The following LIN28A variants were observed in gnomAD, a reference collection of about 807,000 sequenced individuals.
LIN28A encodes lin-28 RNA binding posttranscriptional regulator A, also known as protein lin-28 homolog A.
Under a neutral mutation model 21.1 loss-of-function variants are expected in LIN28A, and 11 were observed. The observed-to-expected ratio is 0.52, with a 90% confidence interval of 0.33 to 0.86. The LOEUF (loss-of-function observed/expected upper bound fraction) is 0.86. LIN28A is among the 40% of genes least tolerant of loss of function. LIN28A has a pLI of 0.03. For synonymous variants in LIN28A, 111 were observed against 108.7 expected (o/e 1.02, Z -0.13); for missense variants, 219 against 279.8 (o/e 0.78, Z 1.55).
rs754323496 is a variant in LIN28A at position 26,426,407 on chromosome 1, G to A, written c.579G>A (p.Glu193=). 3 of 1,614,164 alleles carry A rather than the reference G, an allele frequency of 1.9e-6. No homozygotes were observed. The highest frequency in any genetic ancestry group is 1.7e-6 in the Non-Finnish European group (2 of 1,180,016). The change falls in exon 4 of 4, where the codon GAG becomes GAA. Residue 193 remains glutamate (E), a synonymous_variant. Transcript: ENST00000326279. ...AGGGAAAGCCAACCTACTTTCGAGAGGAAGAAGAAGAAATCCACAGCCCTA... is the reference window on the plus strand; with the variant it reads ...AGGGAAAGCCAACCTACTTTCGAGAAGAAGAAGAAGAAATCCACAGCCCTA... ...SAQGKPTYFR[E]EEEEIHSPTL...
In LIN28A at chr1:26,425,468, C is replaced by G. The variant is rs143830906; in HGVS notation, c.394C>G (p.Arg132Gly). 1.9e-6 allele frequency: 3 copies of G among 1,613,920 alleles called. No individual in the cohort carries two copies. The East Asian group carries it at 6.7e-5, about 36-fold the overall frequency. The change falls in exon 3 of 4, where the codon CGC becomes GGC. Residue 132 changes from arginine to glycine, a missense_variant. Arg to Gly is a moderately radical substitution (Grantham distance 125). This residue lies in a region of LIN28A where 124 missense variants were observed against 193.1 expected (regional missense o/e 0.64). Transcript: ENST00000326279. ...GCCAAAAGGAAAGAGCATGCAGAAG[C>G]GCAGATCAAAAGGAGACAGGTATGG... ...RRPKGKSMQKRRSKGDRCYNC... is the reference protein window; with the variant it reads ...RRPKGKSMQKGRSKGDRCYNC...
chr1:26,426,225 A>T lies in LIN28A; in HGVS notation c.414-17A>T. 1 of 1,608,100 alleles carries T rather than the reference A, an allele frequency of 6.2e-7. No homozygotes were observed. Among genetic ancestry groups the T allele is most frequent in the Non-Finnish European group, 8.5e-7 (1 of 1,174,648 alleles). On this transcript the variant is annotated splice_polypyrimidine_tract_variant and intron_variant, in intron 3 of 3. Coordinates refer to ENST00000326279, the MANE Select transcript of LIN28A (RefSeq NM_024674.6). The stretch of plus-strand genomic sequence containing the variant: ...CTTGCTCCTTTCTCTTACTTTTACG[A>T]TCTTGCTTTGTACTAGGTGCTACAA...
At chr1:26,416,863 G>A (rs1361004774) in intron 2 of LIN28A, among the ~76,000 whole-genome samples, 3 of 151,914 alleles carry the variant, frequency 2.0e-5, no homozygotes, top group East Asian at 1.9e-4. Flanking sequence ...GTGGTGATCC[G>A]CCTGCCTCGG....
At position 26,418,383 on chromosome 1, in the gene LIN28A, A is replaced by G. The variant is rs190422891; in HGVS notation, c.228+6801A>G. On this transcript the variant is annotated intron_variant, in intron 2 of 3. Transcript: ENST00000326279. ...AACGCGGTGAAACCCCGTCTCTACT[A>G]AAAATACAAAAAATTAGCCAGGAAT... 6.6e-5 allele frequency among the ~76,000 whole-genome samples: 10 copies of G among 152,172 alleles called. No individual in the cohort carries two copies. In the East Asian group the frequency reaches 1.9e-3, roughly 29 times the overall value.
chr1:26,423,413 CTTTTTTT>C (rs1202952934), intron 2 of LIN28A, among the ~76,000 whole-genome samples: 2,001 of 78,910 alleles, frequency 0.025, 39 homozygotes, highest in African/African-American at 0.091. Context: ...TTTTCTTTTT[CTTTTTTT>C]TTTTTTTTTT....
At chr1:26,417,076 G>A (rs1335601923) in intron 2 of LIN28A, among the ~76,000 whole-genome samples, 2 of 152,298 alleles carry the variant, frequency 1.3e-5, no homozygotes, top group African/African-American at 4.8e-5. Context: ...AGGACAAGAT[G>A]ACTGCCCTAA....
At chr1:26,414,407 A>G (rs536287544) in intron 2 of LIN28A, among the ~76,000 whole-genome samples, 7 of 152,022 alleles carry the variant, frequency 4.6e-5, no homozygotes, top group Admixed American at 3.9e-4. Flanking sequence ...ATTTAAAAAC[A>G]TTTTCTTTTC....
At position 26,411,307 on chromosome 1, in the gene LIN28A, G is replaced by A; in HGVS notation, c.32-79G>A. The A allele has an allele frequency of 7.4e-7, 1 of 1,351,930 alleles. No homozygotes were observed. Among genetic ancestry groups the A allele is most frequent in the Non-Finnish European group, 9.8e-7 (1 of 1,019,832 alleles). The allele number at this position is 1,351,930 out of a possible 1,614,324, so 83.7% of individuals were successfully genotyped here. A position where few individuals can be genotyped will look rare whatever the true frequency, so the allele number is the denominator to read the frequency against. ...TGTCCACTTGTGGGGCTGGATACTC[G>A]GGTCTCCCTGCCTGGGGCCCGAGAC... On this transcript the variant is annotated intron_variant, in intron 1 of 3. Coordinates refer to ENST00000326279, the MANE Select transcript of LIN28A (RefSeq NM_024674.6). This position sits in a 1 kb window ranked among gnomAD's most constrained non-coding sequence, Gnocchi z 5.4.
At chr1:26,420,902 G>A (rs542243622) in intron 2 of LIN28A, among the ~76,000 whole-genome samples, 5 of 152,108 alleles carry the variant, frequency 3.3e-5, no homozygotes, top group African/African-American at 1.2e-4. Context: ...TGTCACCTCC[G>A]CTAATGTCAA....
At position 26,411,008 on chromosome 1, in the gene LIN28A, A is replaced by G. The variant is rs1432972379; in HGVS notation, c.31+86A>G. 2 of 1,518,372 alleles carry G rather than the reference A, an allele frequency of 1.3e-6. No homozygotes were observed. The highest frequency in any genetic ancestry group is 2.3e-5 in the East Asian group (1 of 42,912). 94.1% of individuals were successfully genotyped at this position (1,518,372 alleles called of 1,614,324 possible). On this transcript the variant is annotated intron_variant, in intron 1 of 3. Transcript: ENST00000326279. The surrounding 1 kb of genome is among the most constrained non-coding windows in gnomAD (Gnocchi z 5.4). ...GAAGGGAGGTGGGGAACTGAGTCCT[A>G]GGCTGCCCAAAGGACCCCAAGACGG...
chr1:26,422,905 C>T (rs904790765), intron 2 of LIN28A, among the ~76,000 whole-genome samples: 1 of 151,844 alleles, frequency 6.6e-6, no homozygotes, highest in Non-Finnish European at 1.5e-5. Context: ...AGGCTTTTTA[C>T]CTTGTTAAAT....
At position 26,425,245 on chromosome 1, in the gene LIN28A, G is replaced by A. The variant is rs1045747139; in HGVS notation, c.229-58G>A. On this transcript the variant is annotated intron_variant, in intron 2 of 3. Coordinates refer to ENST00000326279, the MANE Select transcript of LIN28A (RefSeq NM_024674.6). The stretch of plus-strand genomic sequence containing the variant: ...TACCCTACAGGAATAAGAGTTCCTT[G>A]TCTTTTGGTATAATAATGGAAATTA... The A allele has an allele frequency of 3.2e-6, 5 of 1,540,112 alleles. No individual in the cohort carries two copies. The Admixed American group carries it at 5.4e-5, about 17-fold the overall frequency.
At position 26,428,020 on chromosome 1, in the gene LIN28A, G is replaced by A. The variant is rs1332887997; in HGVS notation, c.*1562G>A. 6.6e-6 allele frequency: 1 copy of A among 152,624 alleles called. No homozygotes were observed. The highest frequency in any genetic ancestry group is 1.5e-5 in the Non-Finnish European group (1 of 68,058). The allele number at this position is 152,624 out of a possible 1,614,324, so 9.5% of individuals were successfully genotyped here. A position where few individuals can be genotyped will look rare whatever the true frequency, so the allele number is the denominator to read the frequency against. ...CATTGGGTGGTGTGTGTCTGATCCT[G>A]GGTTCTTGTCTCCCCTAAATGCTGC... On this transcript the variant is annotated 3_prime_UTR_variant, in exon 4 of 4. Coordinates refer to ENST00000326279, the MANE Select transcript of LIN28A (RefSeq NM_024674.6).
chr1:26,411,433 G>A lies in LIN28A; in HGVS notation c.79G>A (p.Asp27Asn), dbSNP rs774892641. The change falls in exon 2 of 4, where the codon GAC (aspartate) becomes AAC (asparagine). Residue 27 changes from aspartate (D) to asparagine (N), a missense_variant. Physicochemically the swap from Asp to Asn is conservative, Grantham distance 23. Transcript: ENST00000326279. The surrounding 1 kb of genome is among the most constrained non-coding windows in gnomAD (Gnocchi z 5.4). Reference sequence around the variant, plus strand: ...AGAGGCGCCCGAGGAGGCGCCGGAGGACGCGGCCCGGGCGGCGGACGAGCC... The same window carrying A: ...AGAGGCGCCCGAGGAGGCGCCGGAGAACGCGGCCCGGGCGGCGGACGAGCC... Reference protein sequence around the residue: ...AEEAPEEAPEDAARAADEPQL... With the variant: ...AEEAPEEAPENAARAADEPQL... The A allele has an allele frequency of 1.2e-5, 20 of 1,607,554 alleles. No individual in the cohort carries two copies. The South Asian group carries it at 2.0e-4, about 16-fold the overall frequency.
chr1:26,426,160 A>G, intron 3 of LIN28A, 82 bp from the exon 4 acceptor site: 2 of 1,115,992 alleles, frequency 1.8e-6, no homozygotes, highest in Non-Finnish European at 2.7e-6. Flanking sequence ...CCTGTACCAG[A>G]GCCCAGGTGT....
At position 26,411,386 on chromosome 1, in the gene LIN28A, G is replaced by C; in HGVS notation, c.32G>C (p.Gly11Ala). Residue 11 changes from glycine (G) to alanine (A), a missense_variant and splice_region_variant, in exon 2 of 4, where the codon GGT becomes GCT. Around this residue, in one of 3 missense-constraint regions of LIN28A, gnomAD observed 50 missense variants for 49.0 expected, o/e 1.02. Transcript: ENST00000326279. The surrounding 1 kb of genome is among the most constrained non-coding windows in gnomAD (Gnocchi z 5.4). MGSVSNQQFA[G>A]GCAKAAEEAP... ...AGTGCCCGGCCCTCCCTCTCTCCAG[G>C]TGGCTGCGCCAAGGCGGCAGAAGAG... 1.3e-6 allele frequency: 2 copies of C among 1,589,920 alleles called. No individual in the cohort carries two copies. The highest frequency in any genetic ancestry group is 2.3e-5 in the South Asian group (2 of 88,532).
At position 26,429,039 on chromosome 1, in the gene LIN28A, G is replaced by A. The variant is rs1017114457; in HGVS notation, c.*2581G>A. The A allele has an allele frequency of 6.7e-4, 102 of 152,520 alleles. 9 individuals carry two copies. The allele number at this position is 152,520 out of a possible 1,614,324, so 9.4% of individuals were successfully genotyped here. A position where few individuals can be genotyped will look rare whatever the true frequency, so the allele number is the denominator to read the frequency against. ...AAATTAGCCGGGTGTGGTGGTGCATGCCTTTAGTCCTAGCTATTCAGGAGG... is the reference window on the plus strand; with the variant it reads ...AAATTAGCCGGGTGTGGTGGTGCATACCTTTAGTCCTAGCTATTCAGGAGG... On this transcript the variant is annotated 3_prime_UTR_variant, in exon 4 of 4. Transcript: ENST00000326279.
intron 3 of LIN28A, 143 bp downstream of exon 3, chr1:26,425,630 G>A: frequency 1.4e-6 from 1 of 723,792 alleles, no homozygotes. Context: ...CCTGCAATAG[G>A]TGTGGGCAAG....
intron 2 of LIN28A, among the ~76,000 whole-genome samples, chr1:26,417,918 C>T (rs2075003260): frequency 6.6e-6 from 1 of 152,078 alleles, no homozygotes; most frequent in African/African-American, 2.4e-5. Flanking sequence ...GCCAAGAACC[C>T]CAGCTTTAAT....
Sources: allele counts gnomAD v4.1 joint callset (sites outside exome capture counted in the v4.1 genomes callset), GRCh38; gene constraint gnomAD v4.1.1; regional missense constraint gnomAD v4.1.1; non-coding constraint Gnocchi (gnomAD v3.1); transcripts MANE v1.5; gene names NCBI Gene and HGNC (gene_info 2026-07-23, HGNC 2026-07-21).